The following XKR4 variants were observed in gnomAD, a reference collection of about 807,000 sequenced individuals.
XKR4 encodes the protein XK related 4.
Under a neutral mutation model 53.9 loss-of-function variants are expected in XKR4, and 12 were observed. That is an observed-to-expected ratio of 0.22 (90% CI 0.14 to 0.36). XKR4 has a LOEUF of 0.36. XKR4 is among the 10% of genes least tolerant of loss of function. The probability of loss-of-function intolerance (pLI) is 1.00; values close to 1 mark genes in which losing one functional copy is unlikely to be tolerated. For missense variants in XKR4, 799 were observed against 859.5 expected (o/e 0.93, Z 0.88); for synonymous variants, 354 against 362.4 (o/e 0.98, Z 0.26).
intron 1 of XKR4, among the ~76,000 whole-genome samples, chr8:55,233,935 A>G (rs1226565678): frequency 6.6e-6 from 1 of 152,250 alleles, no homozygotes; most frequent in African/African-American, 2.4e-5. Context: ...TAACAATCAG[A>G]TAATAAAATT....
intron 1 of XKR4, among the ~76,000 whole-genome samples, chr8:55,277,069 T>C (rs1563313581): frequency 6.6e-6 from 1 of 152,172 alleles, no homozygotes; most frequent in Admixed American, 6.5e-5. Context: ...AAAAGCCAAG[T>C]TGGATCATTG....
At chr8:55,311,111 G>C (rs1004380583) in intron 1 of XKR4, among the ~76,000 whole-genome samples, 1 of 152,190 alleles carries the variant, frequency 6.6e-6, no homozygotes, top group Non-Finnish European at 1.5e-5. Context: ...GCAAAGATTT[G>C]CAACAGTTGG....
chr8:55,284,955 TA>T (rs1183669626), intron 1 of XKR4, among the ~76,000 whole-genome samples: 1 of 152,220 alleles, frequency 6.6e-6, no homozygotes, highest in African/African-American at 2.4e-5. Context: ...ATTCAAATGC[TA>T]CTCCTAAGTC....
At chr8:55,229,775 G>A (rs1585953612) in intron 1 of XKR4, among the ~76,000 whole-genome samples, 1 of 152,034 alleles carries the variant, frequency 6.6e-6, no homozygotes, top group East Asian at 1.9e-4. Context: ...CCCTACAGAA[G>A]CTTAGTCCTG....
At chr8:55,473,048 T>C (rs1180066624) in intron 2 of XKR4, among the ~76,000 whole-genome samples, 1 of 152,114 alleles carries the variant, frequency 6.6e-6, no homozygotes, top group Non-Finnish European at 1.5e-5. Context: ...GAGCTCACCT[T>C]AGTCCTCCAT....
chr8:55,286,950 T>A (rs1488630559), intron 1 of XKR4, among the ~76,000 whole-genome samples: 1 of 152,226 alleles, frequency 6.6e-6, no homozygotes, highest in Non-Finnish European at 1.5e-5. Flanking sequence ...AAGCCTTTTT[T>A]AAGTATATTA....
chr8:55,326,468 C>CTTTTTTTTTT (rs10666278), intron 1 of XKR4, among the ~76,000 whole-genome samples: 1 of 111,782 alleles, frequency 8.9e-6, no homozygotes, highest in African/African-American at 3.5e-5. Context: ...ATTTTTTTTC[C>CTTTTTTTTTT]TTTTTTTTTT....
chr8:55,463,985 T>C (rs1193920651), intron 2 of XKR4, among the ~76,000 whole-genome samples: 3 of 152,108 alleles, frequency 2.0e-5, no homozygotes, highest in Non-Finnish European at 2.9e-5. Flanking sequence ...CAATAATTAA[T>C]AGCTTACCAA....
At chr8:55,313,855 A>G (rs1819420853) in intron 1 of XKR4, among the ~76,000 whole-genome samples, 1 of 152,154 alleles carries the variant, frequency 6.6e-6, no homozygotes, top group South Asian at 2.1e-4. Flanking sequence ...ACGAATTAGA[A>G]TGGAGGTGAG....
chr8:55,502,798 A>G (rs1806464375), intron 2 of XKR4, among the ~76,000 whole-genome samples: 1 of 152,164 alleles, frequency 6.6e-6, no homozygotes, highest in Admixed American at 6.5e-5. Flanking sequence ...GCCAAATCAA[A>G]TATCATAAAG....
chr8:55,219,011 C>CT (rs5891562), intron 1 of XKR4, among the ~76,000 whole-genome samples: 41,383 of 145,878 alleles, frequency 0.28, 6,096 homozygotes, highest in East Asian at 0.49. Context: ...TAGAAGCAGT[C>CT]TTTTTTTTTT....
At chr8:55,501,184 T>G (rs1806430984) in intron 2 of XKR4, among the ~76,000 whole-genome samples, 1 of 152,246 alleles carries the variant, frequency 6.6e-6, no homozygotes, top group Non-Finnish European at 1.5e-5. Flanking sequence ...GGTGCCAAAT[T>G]AGTACTCAGC....
chr8:55,306,995 T>C (rs971929818), intron 1 of XKR4, among the ~76,000 whole-genome samples: 4 of 148,718 alleles, frequency 2.7e-5, no homozygotes, highest in African/African-American at 7.4e-5. Context: ...ATTAGATCAA[T>C]ACAGATCACA....
chr8:55,455,081 C>T (rs2129397021), intron 2 of XKR4: 2 of 692,006 alleles, frequency 2.9e-6, no homozygotes, highest in South Asian at 3.0e-5. Context: ...GCCTTTCCCA[C>T]TCCCGCGCGG....
chr8:55,378,178 C>T (rs1388316973), intron 2 of XKR4, among the ~76,000 whole-genome samples: 2 of 152,130 alleles, frequency 1.3e-5, no homozygotes, highest in African/African-American at 4.8e-5. Context: ...TGAAATAGTA[C>T]AATGAATTTA....
chr8:55,455,242 G>T, intron 2 of XKR4: 1 of 192,874 alleles, frequency 5.2e-6, no homozygotes, highest in Non-Finnish European at 1.0e-5. Flanking sequence ...CCCCGGGTTC[G>T]CTCCGCGGCG....
chr8:55,232,962 T>C (rs1818064488), intron 1 of XKR4, among the ~76,000 whole-genome samples: 1 of 152,204 alleles, frequency 6.6e-6, no homozygotes, highest in Non-Finnish European at 1.5e-5. Context: ...TTGCAAGCTA[T>C]GTTAATCTAT....
Position 55,539,207 on chromosome 8 carries a change from G to A in XKR4, c.*14980G>A, listed in dbSNP as rs1807069920. The A allele has an allele frequency of 6.6e-6, 1 of 152,120 alleles. No individual in the cohort carries two copies. Among genetic ancestry groups the A allele is most frequent in the Admixed American group, 6.6e-5 (1 of 15,260 alleles). 9.4% of individuals were successfully genotyped at this position (152,120 alleles called of 1,614,324 possible). On this transcript the variant is annotated 3_prime_UTR_variant, in exon 3 of 3. Transcript: ENST00000327381. ...GACATAGAGGCAATATCATGATATA[G>A]GAATACATTCATAAAACTAGACTAG...
At chr8:55,364,472 C>G (rs1803945239) in intron 2 of XKR4, among the ~76,000 whole-genome samples, 1 of 152,218 alleles carries the variant, frequency 6.6e-6, no homozygotes, top group Admixed American at 6.5e-5. Context: ...ACTGAATATT[C>G]ATGCCAAGCA....
Sources: gnomAD v4.1 joint callset for allele counts (sites outside exome capture counted in the v4.1 genomes callset) on GRCh38, gnomAD v4.1.1 for gene constraint, MANE v1.5 for transcripts, NCBI Gene and HGNC (gene_info 2026-07-23, HGNC 2026-07-21) for gene names.